SCHIP1: variants seen among roughly 807,000 people sequenced by gnomAD.
SCHIP1 encodes the protein schwannomin interacting protein 1.
Under a neutral mutation model 29.7 loss-of-function variants are expected in SCHIP1, and 8 were observed. The observed-to-expected ratio is 0.27, with a 90% CI of 0.16 to 0.49. SCHIP1 has a LOEUF of 0.49. SCHIP1 is among the 20% of genes least tolerant of loss of function. The pLI is 0.99. For synonymous variants in SCHIP1, 76 were observed against 94.9 expected, an observed-to-expected ratio of 0.80 and a Z score of 1.16; for missense variants, 193 against 294.6, an observed-to-expected ratio of 0.66 and a Z score of 2.52.
chr3:159,413,284 A>G, the SCHIP1 span, among the ~76,000 whole-genome samples: 1 of 152,304 alleles, frequency 6.6e-6, no homozygotes, highest in South Asian at 2.1e-4. Context: ...ATGGGAGAGA[A>G]CAGAGCAAAA....
intron 2 of SCHIP1, among the ~76,000 whole-genome samples, chr3:159,884,115 A>C (rs534280370): frequency 9.2e-5 from 14 of 152,356 alleles, no homozygotes; most frequent in Non-Finnish European, 1.5e-4. Flanking sequence ...AAAATGCTAC[A>C]TAATCCTAGA....
the SCHIP1 span, among the ~76,000 whole-genome samples, chr3:159,553,895 G>C: frequency 6.6e-6 from 1 of 151,764 alleles, no homozygotes; most frequent in African/African-American, 2.4e-5. Flanking sequence ...CAGCCTCCTG[G>C]GTTCACGCCA....
intron 1 of SCHIP1, among the ~76,000 whole-genome samples, chr3:159,860,007 GTGTC>G (rs1234574778): frequency 1.6e-3 from 238 of 151,648 alleles, no homozygotes; most frequent in East Asian, 9.1e-3. Flanking sequence ...GTGTGTGTGT[GTGTC>G]TGTCTGTCTG....
the SCHIP1 span, among the ~76,000 whole-genome samples, chr3:159,556,947 ATTTAAAAAAAAAAGATT>A: frequency 3.3e-5 from 5 of 151,440 alleles, no homozygotes; most frequent in Non-Finnish European, 7.4e-5. Context: ...AAATAAAAAA[ATTTAAAAAAAAAAGATT>A]TTTTTTTTTT....
At chr3:159,361,127 A>G in the SCHIP1 span, among the ~76,000 whole-genome samples, 2 of 152,248 alleles carry the variant, frequency 1.3e-5, no homozygotes, top group Admixed American at 1.3e-4. Context: ...AAGACAAATA[A>G]TAAACCATAG....
rs1471526037 is a variant in SCHIP1 at position 159,861,389 on chromosome 3, G to T, written c.31-4774G>T. 6.6e-6 allele frequency among the ~76,000 whole-genome samples: 1 copy of T among 152,198 alleles called. No individual in the cohort carries two copies. The highest frequency in any genetic ancestry group is 6.5e-5 in the Admixed American group (1 of 15,286). On this transcript the variant is annotated intron_variant, in intron 1 of 6. Coordinates refer to ENST00000445224, the Ensembl canonical transcript of SCHIP1. This position sits in a 1 kb window ranked among gnomAD's most constrained non-coding sequence, Gnocchi z 4.1. The stretch of plus-strand genomic sequence containing the variant: ...TTTGCTCTTTATTTCATTACTGAAT[G>T]CCCCTCTTTGTTCTTGTCCAGATTG...
chr3:159,673,733 T>G, the SCHIP1 span, among the ~76,000 whole-genome samples: 1 of 152,338 alleles, frequency 6.6e-6, no homozygotes, highest in East Asian at 1.9e-4. Context: ...AGAAAGTTAC[T>G]TGCTATCTAA....
chr3:159,583,608 CAT>C, the SCHIP1 span, among the ~76,000 whole-genome samples: 2 of 152,090 alleles, frequency 1.3e-5, no homozygotes, highest in African/African-American at 4.8e-5. Flanking sequence ...TGAAAAGAAA[CAT>C]GTGTCTGAAA....
chr3:159,397,418 C>T, the SCHIP1 span, among the ~76,000 whole-genome samples: 2 of 152,148 alleles, frequency 1.3e-5, no homozygotes, highest in African/African-American at 4.8e-5. Flanking sequence ...AGTTTCCAGT[C>T]TTTCTGTTCT....
the SCHIP1 span, among the ~76,000 whole-genome samples, chr3:159,747,207 G>A: frequency 6.6e-6 from 1 of 152,118 alleles, no homozygotes; most frequent in African/African-American, 2.4e-5. Context: ...CCCTACCAAG[G>A]GACTTCTCTA....
chr3:159,855,931 G>C lies in SCHIP1; in HGVS notation c.31-10232G>C, dbSNP rs146291319. Reference sequence around the variant, plus strand: ...AAGATTATGCTTCTGTTCTTTTTCCGTGGGGAAGGTTTTGACTGTAAGAAA... The same window carrying C: ...AAGATTATGCTTCTGTTCTTTTTCCCTGGGGAAGGTTTTGACTGTAAGAAA... On this transcript the variant is annotated intron_variant, in intron 1 of 6. Transcript: ENST00000445224. 3.3e-5 allele frequency among the ~76,000 whole-genome samples: 5 copies of C among 152,288 alleles called. No individual in the cohort carries two copies. The South Asian group carries it at 1.0e-3, about 32-fold the overall frequency.
At chr3:159,507,113 T>C in the SCHIP1 span, among the ~76,000 whole-genome samples, 1 of 152,334 alleles carries the variant, frequency 6.6e-6, no homozygotes, top group South Asian at 2.1e-4. Flanking sequence ...GGAATGTTCT[T>C]CCATTTGTTT....
chr3:159,341,312 C>G, the SCHIP1 span, among the ~76,000 whole-genome samples: 1 of 152,044 alleles, frequency 6.6e-6, no homozygotes, highest in South Asian at 2.1e-4. Flanking sequence ...CCTCTCTCAA[C>G]TCCCCTGCTG....
the SCHIP1 span, among the ~76,000 whole-genome samples, chr3:159,623,304 G>T: frequency 6.6e-6 from 1 of 152,196 alleles, no homozygotes; most frequent in African/African-American, 2.4e-5. Flanking sequence ...GGAAACTTGA[G>T]AAGTATATAC....
chr3:159,845,398 T>G (rs1711654363), intron 1 of SCHIP1: 1 of 152,130 alleles, frequency 6.6e-6, no homozygotes, highest in South Asian at 2.1e-4. Context: ...TTTTTTTTTT[T>G]TAGATGGAGT....
At chr3:159,358,302 A>G in the SCHIP1 span, among the ~76,000 whole-genome samples, 1 of 152,214 alleles carries the variant, frequency 6.6e-6, no homozygotes, top group Non-Finnish European at 1.5e-5. Flanking sequence ...AGGGGCTCTC[A>G]TAAAGGTAGA....
the SCHIP1 span, among the ~76,000 whole-genome samples, chr3:159,490,374 C>A: frequency 6.6e-6 from 1 of 152,130 alleles, no homozygotes; most frequent in Non-Finnish European, 1.5e-5. Context: ...TAACAATATG[C>A]AAATTTTTAC....
At chr3:159,654,058 C>A in the SCHIP1 span, among the ~76,000 whole-genome samples, 1 of 151,992 alleles carries the variant, frequency 6.6e-6, no homozygotes, top group Non-Finnish European at 1.5e-5. Flanking sequence ...TGCTTTTTAT[C>A]TTTTTAAATA....
At chr3:159,780,581 C>A in the SCHIP1 span, among the ~76,000 whole-genome samples, 1 of 152,220 alleles carries the variant, frequency 6.6e-6, no homozygotes, top group African/African-American at 2.4e-5. Context: ...AATAAACACA[C>A]CAAGTGAAAG....
Sources: gnomAD v4.1 joint callset for allele counts (sites outside exome capture counted in the v4.1 genomes callset) on GRCh38, gnomAD v4.1.1 for gene constraint, Gnocchi (gnomAD v3.1) non-coding constraint, MANE v1.5 for transcripts, NCBI Gene and HGNC (gene_info 2026-07-23, HGNC 2026-07-21) for gene names.